The following BRAF variants were observed in gnomAD, a reference collection of about 807,000 sequenced individuals.
BRAF encodes serine/threonine-protein kinase B-raf.
In BRAF, 16 loss-of-function variants were observed where a neutral mutation model predicts 104.6. The observed-to-expected ratio is 0.15, with a 90% CI of 0.10 to 0.23. The LOEUF is 0.23. Ranked by LOEUF, BRAF falls within the 10% of genes least tolerant of loss-of-function variation. BRAF has a pLI of 1.00. For missense variants in BRAF, 541 were observed against 937.3 expected, an observed-to-expected ratio of 0.58 and a Z score of 5.52; for synonymous variants, 310 against 341.6, an observed-to-expected ratio of 0.91 and a Z score of 1.02.
intron 8 of BRAF, among the ~76,000 whole-genome samples, chr7:140,793,651 G>C (rs1802207847): frequency 6.6e-6 from 1 of 152,030 alleles, no homozygotes. Flanking sequence ...TTTGAGACAG[G>C]GTCTCACTCT....
intron 1 of BRAF, among the ~76,000 whole-genome samples, chr7:140,869,998 G>A (rs1048699346): frequency 2.0e-5 from 3 of 152,030 alleles, no homozygotes; most frequent in African/African-American, 4.8e-5. Flanking sequence ...AAAGAAAGAC[G>A]ATAAAAGAGG....
chr7:140,825,318 T>C (rs1213426719), intron 3 of BRAF, among the ~76,000 whole-genome samples: 1 of 152,184 alleles, frequency 6.6e-6, no homozygotes, highest in Admixed American at 6.5e-5. Flanking sequence ...ATTCTACATG[T>C]CCTTGATCAG....
chr7:140,762,605 T>TA (rs1032603232), intron 14 of BRAF, among the ~76,000 whole-genome samples: 4 of 79,754 alleles, frequency 5.0e-5, no homozygotes, highest in African/African-American at 3.2e-4. Flanking sequence ...CAGGAGCTGT[T>TA]TTTTTTTTTT....
chr7:140,877,378 T>C (rs1464027709), intron 1 of BRAF, among the ~76,000 whole-genome samples: 1 of 150,474 alleles, frequency 6.6e-6, no homozygotes, highest in Admixed American at 6.6e-5. Context: ...GCCTCCCAAA[T>C]AGCTGGAATT....
At chr7:140,897,439 G>A (rs1300695655) in intron 1 of BRAF, among the ~76,000 whole-genome samples, 3 of 149,690 alleles carry the variant, frequency 2.0e-5, no homozygotes, top group African/African-American at 7.4e-5. Context: ...CAATTTATCA[G>A]AAGACAATAT....
Position 140,924,489 on chromosome 7 carries a change from C to A in BRAF, c.138+77G>T. 6.5e-7 allele frequency: 1 copy of A among 1,527,040 alleles called. No individual in the cohort carries two copies. Among genetic ancestry groups the A allele is most frequent in the Non-Finnish European group, 8.8e-7 (1 of 1,141,866 alleles). 94.6% of individuals were successfully genotyped at this position (1,527,040 alleles called of 1,614,324 possible). A position where few individuals can be genotyped will look rare whatever the true frequency, so the allele number is the denominator to read the frequency against. ...GCTGAGGGCATCAAGCCCCCACCGC[C>A]GCCTCTTTCCAAAATAAACACCAGC... On this transcript the variant is annotated intron_variant, in intron 1 of 19. Transcript: ENST00000644969. This position sits in a 1 kb window ranked among gnomAD's most constrained non-coding sequence, Gnocchi z 4.2.
intron 14 of BRAF, 64 bp from the exon 14 acceptor site, chr7:140,754,297 G>A (rs1181889810): frequency 7.1e-7 from 1 of 1,409,986 alleles, no homozygotes; most frequent in Non-Finnish European, 1.0e-6. Context: ...GAAATCTACA[G>A]AACATACTTG....
Position 140,870,641 on chromosome 7 carries a change from A to C in BRAF, c.139-20429T>G, listed in dbSNP as rs570110005. 2.3e-4 allele frequency among the ~76,000 whole-genome samples: 32 copies of C among 139,550 alleles called. No homozygotes were observed. The East Asian group carries it at 2.7e-3, about 12-fold the overall frequency. 91.6% of individuals were successfully genotyped at this position (139,550 alleles called of 152,430 possible). A position where few individuals can be genotyped will look rare whatever the true frequency, so the allele number is the denominator to read the frequency against. ...GACTTAGGTTAACTAGAAAAAAAAA[A>C]AAAAAACCTAGTCTATCTTCCAACT... On this transcript the variant is annotated intron_variant, in intron 1 of 19. Transcript: ENST00000644969.
chr7:140,766,778 G>C (rs1210015094), intron 14 of BRAF, among the ~76,000 whole-genome samples: 2 of 151,896 alleles, frequency 1.3e-5, no homozygotes. Context: ...TCAAACTCCT[G>C]GGCTCAAGTG....
At chr7:140,819,050 G>A (rs1027552118) in intron 3 of BRAF, among the ~76,000 whole-genome samples, 20 of 152,094 alleles carry the variant, frequency 1.3e-4, no homozygotes, top group Non-Finnish European at 2.9e-4. Flanking sequence ...CTCTTGTTGT[G>A]TCATAGATCC....
At chr7:140,904,054 T>C (rs994142394) in intron 1 of BRAF, among the ~76,000 whole-genome samples, 5 of 152,316 alleles carry the variant, frequency 3.3e-5, no homozygotes, top group East Asian at 3.9e-4. Context: ...ATTTAGAATA[T>C]TACATAGAAT....
chr7:140,746,405 A>T (rs1016725624), intron 17 of BRAF, among the ~76,000 whole-genome samples: 2 of 152,208 alleles, frequency 1.3e-5, no homozygotes, highest in African/African-American at 4.8e-5. Context: ...CCCAGACTTT[A>T]GTGCTAGGGT....
chr7:140,922,410 C>T (rs752509011), intron 1 of BRAF, among the ~76,000 whole-genome samples: 1 of 152,136 alleles, frequency 6.6e-6, no homozygotes, highest in Non-Finnish European at 1.5e-5. Context: ...AACAATCTGG[C>T]CCTTTCAAAT....
intron 17 of BRAF, among the ~76,000 whole-genome samples, chr7:140,743,068 A>G (rs1797061900): frequency 6.6e-6 from 1 of 152,184 alleles, no homozygotes; most frequent in African/African-American, 2.4e-5. Flanking sequence ...AAAAGTCAGG[A>G]AACAACAGGT....
chr7:140,892,652 G>A (rs1472014107), intron 1 of BRAF, among the ~76,000 whole-genome samples: 1 of 152,194 alleles, frequency 6.6e-6, no homozygotes, highest in African/African-American at 2.4e-5. Flanking sequence ...GCTGATAGAC[G>A]TGGGCAGGGG....
In BRAF at chr7:140,828,725, C is replaced by T. The variant is rs149192150; in HGVS notation, c.504+5884G>A. On this transcript the variant is annotated intron_variant, in intron 3 of 19. Transcript: ENST00000644969. ...TTATTACGATGATTTAACAAATATC[C>T]TTGTATAAATATTGGTGCTTTTATG... Among the ~76,000 whole-genome samples the T allele has an allele frequency of 3.3e-3, 499 of 152,192 alleles. 3 individuals are homozygous for T. The highest frequency in any genetic ancestry group is 0.011 in the African/African-American group (477 of 41,532).
Position 140,834,720 on chromosome 7 carries a change from T to C in BRAF, c.393A>G (p.Leu131=). 6.2e-7 allele frequency: 1 copy of C among 1,614,122 alleles called. No individual in the cohort carries two copies. The highest frequency in any genetic ancestry group is 8.5e-7 in the Non-Finnish European group (1 of 1,180,000). The stretch of plus-strand genomic sequence containing the variant: ...TTTGAAAAACTGAAAGAGATGAAGG[T>C]AGCACTGAAAGGCTAGAAGAGGAAG... ...TSSSSSSLSV[L]PSSLSVFQNP... The change falls in exon 3 of 20, where the codon CTA becomes CTG. Residue 131 remains leucine (L), a synonymous_variant. Transcript: ENST00000644969.
chr7:140,752,878 G>A (rs761422747), intron 16 of BRAF, among the ~76,000 whole-genome samples: 4 of 151,602 alleles, frequency 2.6e-5, no homozygotes, highest in Non-Finnish European at 5.9e-5. Flanking sequence ...TTTCAACAGG[G>A]TACACAGAAC....
At chr7:140,907,232 T>C (rs1422387866) in intron 1 of BRAF, among the ~76,000 whole-genome samples, 2 of 152,180 alleles carry the variant, frequency 1.3e-5, no homozygotes, top group Non-Finnish European at 2.9e-5. Context: ...TTCTATTTGG[T>C]TTTTTGCAAA....
Sources: allele counts gnomAD v4.1 joint callset (sites outside exome capture counted in the v4.1 genomes callset), GRCh38; gene constraint gnomAD v4.1.1; non-coding constraint Gnocchi (gnomAD v3.1); transcripts MANE v1.5; gene names NCBI Gene and HGNC (gene_info 2026-07-23, HGNC 2026-07-21).